Variants in RALGAPA2 observed in about 807,000 individuals in gnomAD.
RALGAPA2 encodes the protein ral GTPase-activating protein subunit alpha-2.
RALGAPA2 carries 139 observed loss-of-function variants against 230.4 expected under a neutral mutation model. The ratio of observed to expected loss-of-function variants is 0.60; its 90% confidence interval spans 0.53 to 0.69. RALGAPA2 has a LOEUF of 0.69. RALGAPA2 is among the 30% of genes least tolerant of loss of function. The probability of loss-of-function intolerance (pLI) is 0.00; values close to 1 mark genes in which losing one functional copy is unlikely to be tolerated. For missense variants in RALGAPA2, 2,163 were observed against 2,276.0 expected, an observed-to-expected ratio of 0.95 and a Z score of 1.01; for synonymous variants, 847 against 837.8, an observed-to-expected ratio of 1.01 and a Z score of -0.19.
intron 35 of RALGAPA2, among the ~76,000 whole-genome samples, chr20:20,502,211 G>A (rs183589950): frequency 6.6e-6 from 1 of 152,308 alleles, no homozygotes; most frequent in East Asian, 1.9e-4. Flanking sequence ...ATAAAGTGCT[G>A]CACAATGAAA....
chr20:20,633,365 C>T (rs2066752127), intron 9 of RALGAPA2, among the ~76,000 whole-genome samples: 1 of 152,110 alleles, frequency 6.6e-6, no homozygotes. Context: ...GAACTCCTGA[C>T]TTCAAGTGAT....
At chr20:20,673,466 T>C (rs1302672227) in intron 3 of RALGAPA2, among the ~76,000 whole-genome samples, 1 of 151,932 alleles carries the variant, frequency 6.6e-6, no homozygotes, top group East Asian at 1.9e-4. Context: ...ATTATGACTC[T>C]CCAAAGAGAT....
rs578052426 is a variant in RALGAPA2 at position 20,694,376 on chromosome 20, G to A, written c.107-13575C>T. On this transcript the variant is annotated intron_variant, in intron 1 of 39. Transcript: ENST00000202677. ...GACAGTTCAAAATGGTGGCATTTCT[G>A]TGAAATTAACTCAGTAAAGACTGAA... is the stretch of plus-strand genomic sequence containing the variant. Among the ~76,000 whole-genome samples the A allele has an allele frequency of 3.3e-5, 5 of 152,288 alleles. No individual in the cohort carries two copies. In the South Asian group the frequency reaches 1.0e-3, roughly 32 times the overall value.
intron 36 of RALGAPA2, 149 bp from the exon 37 acceptor site, chr20:20,473,105 G>A: frequency 1.3e-6 from 1 of 794,454 alleles, no homozygotes; most frequent in South Asian, 2.4e-5. Context: ...CACAGGTCTA[G>A]GGCTTTCAAA....
At chr20:20,516,043 G>C (rs1357452883) in intron 31 of RALGAPA2, among the ~76,000 whole-genome samples, 1 of 152,166 alleles carries the variant, frequency 6.6e-6, no homozygotes, top group African/African-American at 2.4e-5. Flanking sequence ...CTGCATGGGA[G>C]CTGGGCAAGG....
intron 30 of RALGAPA2, among the ~76,000 whole-genome samples, chr20:20,522,472 T>A (rs2063073747): frequency 1.3e-5 from 2 of 152,224 alleles, no homozygotes; most frequent in South Asian, 4.1e-4. Flanking sequence ...GGATATACTG[T>A]ATGACTCTTG....
chr20:20,420,953 C>G (rs1294307677), intron 37 of RALGAPA2, among the ~76,000 whole-genome samples: 1 of 152,064 alleles, frequency 6.6e-6, no homozygotes, highest in Non-Finnish European at 1.5e-5. Context: ...AGAGGATGCA[C>G]AAGAAAATAA....
chr20:20,594,379 T>G (rs2065384336), intron 16 of RALGAPA2, among the ~76,000 whole-genome samples: 1 of 152,158 alleles, frequency 6.6e-6, no homozygotes, highest in Non-Finnish European at 1.5e-5. Flanking sequence ...TCTGCTCTCA[T>G]TCTGTGGGGT....
chr20:20,573,108 T>C, intron 20 of RALGAPA2, 40 bp from the exon 21 acceptor site: 1 of 1,451,996 alleles, frequency 6.9e-7, no homozygotes, highest in Non-Finnish European at 9.2e-7. Flanking sequence ...GTAAACAATC[T>C]TGATTTCATC....
intron 7 of RALGAPA2, among the ~76,000 whole-genome samples, chr20:20,638,469 G>A (rs1476381214): frequency 2.0e-5 from 3 of 152,200 alleles, no homozygotes; most frequent in Non-Finnish European, 4.4e-5. Context: ...AGAGAAGGCA[G>A]AAGGGAGGCA....
chr20:20,589,035 C>T (rs1206397017), intron 18 of RALGAPA2, among the ~76,000 whole-genome samples: 1 of 152,022 alleles, frequency 6.6e-6, no homozygotes, highest in Non-Finnish European at 1.5e-5. Flanking sequence ...CATACACAGA[C>T]CAGGTGGTGA....
rs144952346 is a variant in RALGAPA2 at position 20,453,671 on chromosome 20, C to T, written c.5495+19158G>A. 1.9e-4 allele frequency among the ~76,000 whole-genome samples: 29 copies of T among 152,348 alleles called. 1 individual carries two copies. The East Asian group carries it at 4.8e-3, about 25-fold the overall frequency. On this transcript the variant is annotated intron_variant, in intron 37 of 39. Transcript: ENST00000202677. Reference sequence around the variant, plus strand: ...TGAGGCTCTGGGCTGCACTCTGCATCACAGCCATGAGGAAACTGTGCACTG... The same window carrying T: ...TGAGGCTCTGGGCTGCACTCTGCATTACAGCCATGAGGAAACTGTGCACTG...
intron 18 of RALGAPA2, 39 bp downstream of exon 18, chr20:20,589,229 T>C (rs753548783): frequency 6.6e-7 from 1 of 1,522,074 alleles, no homozygotes; most frequent in East Asian, 2.5e-5. Context: ...TTAATGTTTA[T>C]TTTTAATGAC....
chr20:20,671,268 C>T (rs1255515040), intron 3 of RALGAPA2, among the ~76,000 whole-genome samples: 2 of 152,228 alleles, frequency 1.3e-5, no homozygotes, highest in African/African-American at 4.8e-5. Context: ...AGGCAGACAG[C>T]AGCTCTCTTT....
At chr20:20,399,343 C>CAA (rs11396922) in intron 38 of RALGAPA2, among the ~76,000 whole-genome samples, 44,342 of 115,628 alleles carry the variant, frequency 0.38, 9,457 homozygotes, top group Middle Eastern at 0.59. Context: ...AACTCCGTCT[C>CAA]AAAAAAAAAA....
intron 24 of RALGAPA2, among the ~76,000 whole-genome samples, chr20:20,542,592 C>G (rs570912843): frequency 2.6e-5 from 4 of 152,230 alleles, no homozygotes; most frequent in Admixed American, 1.3e-4. Context: ...ACAGAGGCCT[C>G]AGAAATAACA....
chr20:20,698,038 A>G (rs2069186168), intron 1 of RALGAPA2, among the ~76,000 whole-genome samples: 1 of 152,174 alleles, frequency 6.6e-6, no homozygotes, highest in Non-Finnish European at 1.5e-5. Context: ...TGTACTCAAC[A>G]TATACTACCC....
chr20:20,637,919 C>A (rs6137087), intron 7 of RALGAPA2, among the ~76,000 whole-genome samples: 2,525 of 152,170 alleles, frequency 0.017, 94 homozygotes, highest in East Asian at 0.14. Context: ...GAAACAATCC[C>A]TCTCAAGAAT....
intron 13 of RALGAPA2, among the ~76,000 whole-genome samples, chr20:20,612,779 T>C (rs964958838): frequency 6.6e-6 from 1 of 152,182 alleles, no homozygotes; most frequent in African/African-American, 2.4e-5. Flanking sequence ...GGGGACAGCT[T>C]GTCGCTCATC....
Sources: allele counts gnomAD v4.1 joint callset (sites outside exome capture counted in the v4.1 genomes callset), GRCh38; gene constraint gnomAD v4.1.1; transcripts MANE v1.5; gene names NCBI Gene and HGNC (gene_info 2026-07-23, HGNC 2026-07-21).